The following ADAM2 variants were observed in gnomAD, a reference collection of about 807,000 sequenced individuals.
ADAM2 encodes ADAM metallopeptidase domain 2, also known as disintegrin and metalloproteinase domain-containing protein 2.
In ADAM2, 101 loss-of-function variants were observed where a neutral mutation model predicts 99.3. That is an observed-to-expected ratio of 1.02 (90% CI 0.87 to 1.20). ADAM2 has a LOEUF of 1.20. Ranked by LOEUF, ADAM2 falls within the 50% of genes most tolerant of loss-of-function variation. The probability of loss-of-function intolerance (pLI) is 0.00; values close to 1 mark genes in which losing one functional copy is unlikely to be tolerated. For missense variants in ADAM2, 948 were observed against 878.7 expected, an observed-to-expected ratio of 1.08 and a Z score of -1.00; for synonymous variants, 323 against 287.6, an observed-to-expected ratio of 1.12 and a Z score of -1.25.
chr8:39,772,206 G>A (rs1457916170), intron 11 of ADAM2, among the ~76,000 whole-genome samples: 1 of 151,172 alleles, frequency 6.6e-6, no homozygotes, highest in Non-Finnish European at 1.5e-5. Context: ...AGATTTGCTG[G>A]ATGCTTTCAT....
Position 39,746,646 on chromosome 8 carries a change from A to T in ADAM2, c.2015-15T>A. On this transcript the variant is annotated splice_polypyrimidine_tract_variant and intron_variant, in intron 18 of 20. Transcript: ENST00000265708. ...GTAGCGCCTTTCTAGAAGAAAAAAA[A>T]ATCAAAGATTTGAAAGCAAGCACCA... 2 of 1,552,556 alleles carry T rather than the reference A, an allele frequency of 1.3e-6. No homozygotes were observed. Among genetic ancestry groups the T allele is most frequent in the Non-Finnish European group, 8.6e-7 (1 of 1,158,256 alleles).
At chr8:39,747,537 A>G (rs908710781) in intron 18 of ADAM2, among the ~76,000 whole-genome samples, 2 of 152,212 alleles carry the variant, frequency 1.3e-5, no homozygotes, top group Non-Finnish European at 2.9e-5. Flanking sequence ...AGATTTTAAC[A>G]GAGGTGTTTA....
Position 39,788,151 on chromosome 8 carries a change from T to G in ADAM2, c.743A>C (p.His248Pro), listed in dbSNP as rs181097456. 1.3e-6 allele frequency: 2 copies of G among 1,590,742 alleles called. No individual in the cohort carries two copies. The highest frequency in any genetic ancestry group is 4.6e-5 in the East Asian group (2 of 43,640). Residue 248 changes from histidine (H) to proline (P), a missense_variant, in exon 9 of 21, where the codon CAC (histidine) becomes CCC (proline). By Grantham distance (77) the His-to-Pro change is moderately conservative (BLOSUM62 -2). Transcript: ENST00000265708. Reference protein sequence around the residue: ...ATTGEANELLHTFLRWKTSYL... With the variant: ...ATTGEANELLPTFLRWKTSYL... ...AGATGTTTTCCATCTTAAAAATGTG[T>G]GTAATAACTCATTAGCTTCTCCAGT...
At chr8:39,830,115 C>T (rs938822884) in intron 3 of ADAM2, among the ~76,000 whole-genome samples, 2 of 152,052 alleles carry the variant, frequency 1.3e-5, no homozygotes, top group African/African-American at 4.8e-5. Context: ...TATTTAACTG[C>T]ATAAACATAT....
At chr8:39,792,992 C>A (rs1043905382) in intron 7 of ADAM2, among the ~76,000 whole-genome samples, 2 of 151,964 alleles carry the variant, frequency 1.3e-5, no homozygotes, top group African/African-American at 4.8e-5. Context: ...TATTTTGAGA[C>A]CTCTTTATAA....
intron 10 of ADAM2, among the ~76,000 whole-genome samples, chr8:39,778,267 A>G (rs1803079319): frequency 6.6e-6 from 1 of 151,938 alleles, no homozygotes; most frequent in Non-Finnish European, 1.5e-5. Context: ...TGCCTCTCTA[A>G]GTCAGTTTTC....
Position 39,800,040 on chromosome 8 carries a change from T to C in ADAM2, c.570+9370A>G, listed in dbSNP as rs147972082. On this transcript the variant is annotated intron_variant, in intron 7 of 20. Transcript: ENST00000265708. ...GCTCATTTACACTTAAGATTACTAT[T>C]GCTATGTGTGAATGTGATCCTGTCA... Among the ~76,000 whole-genome samples the C allele has an allele frequency of 9.4e-3, 1,435 of 152,276 alleles. 19 individuals are homozygous for C. Among genetic ancestry groups the C allele is most frequent in the African/African-American group, 0.033 (1,370 of 41,540 alleles).
intron 6 of ADAM2, among the ~76,000 whole-genome samples, chr8:39,813,300 G>A (rs1048320322): frequency 2.0e-5 from 3 of 152,168 alleles, no homozygotes; most frequent in Admixed American, 2.0e-4. Flanking sequence ...GGAGAAATAG[G>A]AACATTTTTA....
chr8:39,747,801 C>G (rs1004562285), intron 18 of ADAM2, among the ~76,000 whole-genome samples: 1 of 152,052 alleles, frequency 6.6e-6, no homozygotes, highest in East Asian at 1.9e-4. Context: ...AACAATTTAC[C>G]ACTTCATAAT....
rs149401159 is a variant in ADAM2, at chr8:39,809,110, A to T, written c.570+300T>A. 5.0e-3 allele frequency among the ~76,000 whole-genome samples: 761 copies of T among 152,294 alleles called. 4 individuals carry two copies. Among genetic ancestry groups the T allele is most frequent in the African/African-American group, 0.017 (726 of 41,574 alleles). On this transcript the variant is annotated intron_variant, in intron 7 of 20. Transcript: ENST00000265708. ...TTTTTAAATAATATCCAAAATGTCA[A>T]GCATTATTTTTAAAATTCAGTATAG... is the stretch of plus-strand genomic sequence containing the variant.
rs758517365 is a variant in ADAM2 at position 39,767,115 on chromosome 8, T to C, written c.1311+38A>G. ...CATAAGCATAATAATGATAACTACTTATGTAGGTAATATTGAAATTTTTCA... is the reference window on the plus strand; with the variant it reads ...CATAAGCATAATAATGATAACTACTCATGTAGGTAATATTGAAATTTTTCA... On this transcript the variant is annotated intron_variant, in intron 13 of 20. Coordinates refer to ENST00000265708, the MANE Select transcript of ADAM2 (RefSeq NM_001464.5). 43 of 1,598,156 alleles carry C rather than the reference T, an allele frequency of 2.7e-5. No homozygotes were observed. The Admixed American group carries it at 7.4e-4, about 27-fold the overall frequency.
intron 10 of ADAM2, among the ~76,000 whole-genome samples, chr8:39,781,669 A>G (rs1396431212): frequency 6.6e-6 from 1 of 152,230 alleles, no homozygotes; most frequent in African/African-American, 2.4e-5. Flanking sequence ...ATCTCTCTTG[A>G]TCTAAAGTTT....
chr8:39,810,582 C>T (rs533532847), intron 6 of ADAM2, among the ~76,000 whole-genome samples: 1 of 151,946 alleles, frequency 6.6e-6, no homozygotes, highest in South Asian at 2.1e-4. Context: ...ATAACAAACT[C>T]TCTCTCAGAC....
intron 15 of ADAM2, among the ~76,000 whole-genome samples, chr8:39,758,491 C>T (rs1463026749): frequency 2.0e-5 from 3 of 151,184 alleles, no homozygotes; most frequent in African/African-American, 2.4e-5. Flanking sequence ...ATTATTTGCA[C>T]TATTATTCTA....
chr8:39,745,094 T>C (rs1223090721), intron 19 of ADAM2, among the ~76,000 whole-genome samples: 1 of 152,092 alleles, frequency 6.6e-6, no homozygotes, highest in African/African-American at 2.4e-5. Flanking sequence ...TCAGTGAATA[T>C]GAAAAAAAAG....
intron 6 of ADAM2, among the ~76,000 whole-genome samples, chr8:39,819,422 A>G (rs1805084813): frequency 6.6e-6 from 1 of 152,138 alleles, no homozygotes; most frequent in Admixed American, 6.6e-5. Flanking sequence ...GAAACATAAG[A>G]ATAAATGATG....
In ADAM2 at chr8:39,747,073, G is replaced by A. The variant is rs138962227; in HGVS notation, c.2015-442C>T. ...TCTATGCCTATAGTTTTTTGTTGTCGTTTATTTTTGTTGGTGGTGACCTAA... is the reference window on the plus strand; with the variant it reads ...TCTATGCCTATAGTTTTTTGTTGTCATTTATTTTTGTTGGTGGTGACCTAA... On this transcript the variant is annotated intron_variant, in intron 18 of 20. Coordinates refer to ENST00000265708, the MANE Select transcript of ADAM2 (RefSeq NM_001464.5). Among the ~76,000 whole-genome samples, 461 of 152,152 alleles carry A rather than the reference G, an allele frequency of 3.0e-3. 13 individuals are homozygous for A. The highest frequency in any genetic ancestry group is 0.029 in the Admixed American group (435 of 15,258).
chr8:39,804,783 T>G (rs1804369718), intron 7 of ADAM2, among the ~76,000 whole-genome samples: 1 of 152,206 alleles, frequency 6.6e-6, no homozygotes, highest in African/African-American at 2.4e-5. Context: ...TAGCTTCATA[T>G]TTTTGGCTTC....
chr8:39,802,507 T>G (rs746479055), intron 7 of ADAM2, among the ~76,000 whole-genome samples: 3 of 152,264 alleles, frequency 2.0e-5, no homozygotes, highest in Non-Finnish European at 4.4e-5. Flanking sequence ...CTGAACTGAA[T>G]CCTGAATTCT....
Sources: gnomAD v4.1 joint callset for allele counts (sites outside exome capture counted in the v4.1 genomes callset) on GRCh38, gnomAD v4.1.1 for gene constraint, MANE v1.5 for transcripts, NCBI Gene and HGNC (gene_info 2026-07-23, HGNC 2026-07-21) for gene names.